NECTIN3: variants seen among roughly 807,000 people sequenced by gnomAD.
NECTIN3 encodes the protein nectin cell adhesion molecule 3.
Under a neutral mutation model 49.4 loss-of-function variants are expected in NECTIN3, and 8 were observed. That is an observed-to-expected ratio of 0.16 (90% confidence interval 0.10 to 0.29). The LOEUF is 0.29. Ranked by LOEUF, NECTIN3 falls within the 10% of genes least tolerant of loss-of-function variation. The pLI is 1.00. For synonymous variants in NECTIN3, 277 were observed against 241.1 expected (o/e 1.15, Z -1.38); for missense variants, 581 against 654.6 (o/e 0.89, Z 1.23).
At chr3:111,097,671 TC>T (rs1293772517) in intron 1 of NECTIN3, among the ~76,000 whole-genome samples, 1 of 152,112 alleles carries the variant, frequency 6.6e-6, no homozygotes, top group Non-Finnish European at 1.5e-5. Flanking sequence ...AAGAGGAGAT[TC>T]CTTGCACAAG....
chr3:111,086,840 G>T (rs1041307018), intron 1 of NECTIN3, among the ~76,000 whole-genome samples: 2 of 152,002 alleles, frequency 1.3e-5, no homozygotes, highest in African/African-American at 4.8e-5. Context: ...TTCTAATGCT[G>T]AGTCTTCCAA....
intron 1 of NECTIN3, among the ~76,000 whole-genome samples, chr3:111,104,004 A>G (rs2033049282): frequency 6.6e-6 from 1 of 152,238 alleles, no homozygotes; most frequent in Non-Finnish European, 1.5e-5. Flanking sequence ...TTGTGTGGAC[A>G]CATGCCTTCT....
intron 7 of NECTIN3, among the ~76,000 whole-genome samples, chr3:111,163,198 T>C (rs2035250776): frequency 6.6e-6 from 1 of 152,186 alleles, no homozygotes; most frequent in South Asian, 2.1e-4. Flanking sequence ...TTCTTCATAG[T>C]GTTTCTACAT....
At chr3:111,108,995 A>G (rs1027344091) in intron 1 of NECTIN3, among the ~76,000 whole-genome samples, 1 of 152,138 alleles carries the variant, frequency 6.6e-6, no homozygotes, top group African/African-American at 2.4e-5. Flanking sequence ...AACAGCAGAC[A>G]TTTATTTCTC....
intron 7 of NECTIN3, among the ~76,000 whole-genome samples, chr3:111,160,518 G>A (rs936994415): frequency 1.3e-5 from 2 of 152,070 alleles, no homozygotes; most frequent in African/African-American, 4.8e-5. Flanking sequence ...ATCAAAATCA[G>A]TTATAAGACA....
chr3:111,168,418 C>T (rs1464833116), intron 7 of NECTIN3, among the ~76,000 whole-genome samples: 1 of 152,014 alleles, frequency 6.6e-6, no homozygotes, highest in Non-Finnish European at 1.5e-5. Context: ...AGACTTTCTA[C>T]CCCCGTTTCC....
At chr3:111,119,782 T>G (rs966304327) in intron 3 of NECTIN3, among the ~76,000 whole-genome samples, 1 of 152,210 alleles carries the variant, frequency 6.6e-6, no homozygotes, top group Non-Finnish European at 1.5e-5. Flanking sequence ...TAATGAAAAT[T>G]AGGAACATTA....
At chr3:111,100,724 T>G (rs2032860209) in intron 1 of NECTIN3, among the ~76,000 whole-genome samples, 1 of 148,188 alleles carries the variant, frequency 6.7e-6, no homozygotes, top group Non-Finnish European at 1.5e-5. Context: ...TTTTAAAAAC[T>G]AATTTTGAAA....
chr3:111,132,668 C>T (rs2034435889), intron 5 of NECTIN3, among the ~76,000 whole-genome samples: 2 of 151,778 alleles, frequency 1.3e-5, no homozygotes, highest in African/African-American at 4.8e-5. Flanking sequence ...TGGCTATTTA[C>T]TCTGTTATCT....
At chr3:111,167,809 A>C (rs1418212463) in intron 7 of NECTIN3, among the ~76,000 whole-genome samples, 1 of 152,154 alleles carries the variant, frequency 6.6e-6, no homozygotes, top group Non-Finnish European at 1.5e-5. Context: ...GTAACTTGTC[A>C]TTGGGAAAAA....
intron 1 of NECTIN3, among the ~76,000 whole-genome samples, chr3:111,192,565 T>C (rs1008992780): frequency 1.3e-5 from 2 of 152,210 alleles, no homozygotes; most frequent in African/African-American, 4.8e-5. Context: ...AATTTTACTC[T>C]TAGAAGTAAT....
intron 7 of NECTIN3, among the ~76,000 whole-genome samples, chr3:111,178,210 G>C (rs1337815432): frequency 6.6e-6 from 1 of 152,166 alleles, no homozygotes; most frequent in African/African-American, 2.4e-5. Flanking sequence ...GAAAAATTCA[G>C]TGCTACCTTG....
At position 111,125,113 on chromosome 3, in the gene NECTIN3, C is replaced by G. The variant is rs140793755; in HGVS notation, c.918-1071C>G. ...GTGCCATCTCGTCTCACTGCAACCT[C>G]CCCTTCCTGGGTTCAAGTGATTCTC... is the stretch of plus-strand genomic sequence containing the variant. On this transcript the variant is annotated intron_variant, in intron 4 of 5. Coordinates refer to ENST00000485303, the MANE Select transcript of NECTIN3 (RefSeq NM_015480.3). Among the ~76,000 whole-genome samples, 3,131 of 149,430 alleles carry G rather than the reference C, an allele frequency of 0.021. 176 individuals are homozygous for G. In the East Asian group the frequency reaches 0.24, roughly 11 times the overall value.
At chr3:111,166,971 TAA>T in intron 7 of NECTIN3, among the ~76,000 whole-genome samples, 1 of 152,240 alleles carries the variant, frequency 6.6e-6, no homozygotes, top group Non-Finnish European at 1.5e-5. Context: ...GAACCAGATG[TAA>T]ATGTAGGTGA....
intron 7 of NECTIN3, among the ~76,000 whole-genome samples, chr3:111,155,977 G>A (rs987667555): frequency 6.6e-6 from 1 of 152,110 alleles, no homozygotes; most frequent in African/African-American, 2.4e-5. Context: ...TATTAGCACA[G>A]TAATCTTATA....
chr3:111,077,974 A>AC (rs781259613), intron 1 of NECTIN3, among the ~76,000 whole-genome samples: 1 of 152,268 alleles, frequency 6.6e-6, no homozygotes, highest in Non-Finnish European at 1.5e-5. Context: ...TTTATTTAAC[A>AC]CAATGTAACC....
intron 1 of NECTIN3, among the ~76,000 whole-genome samples, chr3:111,097,968 C>T (rs2032686497): frequency 6.6e-6 from 1 of 152,088 alleles, no homozygotes; most frequent in South Asian, 2.1e-4. Flanking sequence ...AGTACTTTTC[C>T]CCACCTCTTC....
intron 1 of NECTIN3, among the ~76,000 whole-genome samples, chr3:111,102,088 C>G (rs1315489386): frequency 6.6e-6 from 1 of 152,018 alleles, no homozygotes; most frequent in Non-Finnish European, 1.5e-5. Flanking sequence ...CTTTTTCATT[C>G]TTGGTCCATC....
chr3:111,160,398 T>C (rs927606582), intron 7 of NECTIN3, among the ~76,000 whole-genome samples: 1 of 152,178 alleles, frequency 6.6e-6, no homozygotes, highest in Non-Finnish European at 1.5e-5. Context: ...TCAAGATTCA[T>C]AAATTTTGAT....
Sources: gnomAD v4.1 joint callset for allele counts (sites outside exome capture counted in the v4.1 genomes callset) on GRCh38, gnomAD v4.1.1 for gene constraint, MANE v1.5 for transcripts, NCBI Gene and HGNC (gene_info 2026-07-23, HGNC 2026-07-21) for gene names.